The following ZCCHC14 variants were observed in gnomAD, a reference collection of about 807,000 sequenced individuals.
ZCCHC14 encodes zinc finger CCHC domain-containing protein 14.
Under a neutral mutation model 85.0 loss-of-function variants are expected in ZCCHC14, and 16 were observed. The observed-to-expected ratio is 0.19, with a 90% CI of 0.13 to 0.29. The LOEUF (loss-of-function observed/expected upper bound fraction) is 0.29. ZCCHC14 is among the 10% of genes least tolerant of loss of function. The probability of loss-of-function intolerance (pLI) is 1.00; values close to 1 mark genes in which losing one functional copy is unlikely to be tolerated. For missense variants in ZCCHC14, 1,303 were observed against 1,443.5 expected (o/e 0.90, Z 1.58); for synonymous variants, 775 against 630.7 (o/e 1.23, Z -3.43).
At position 87,434,799 on chromosome 16, in the gene ZCCHC14, G is replaced by A. The variant is rs147449182; in HGVS notation, c.695-1598C>T. Among the ~76,000 whole-genome samples the A allele has an allele frequency of 4.1e-3, 624 of 152,228 alleles. 5 individuals carry two copies. Among genetic ancestry groups the A allele is most frequent in the African/African-American group, 0.015 (603 of 41,534 alleles). The stretch of plus-strand genomic sequence containing the variant: ...AAGGTCAGGAGTTCGAGAGCAGCCT[G>A]GCCAACATGGTGAATCCCTGTCTCT... On this transcript the variant is annotated intron_variant, in intron 2 of 12. Transcript: ENST00000671377.
At chr16:87,476,388 A>C (rs1483358996) in intron 1 of ZCCHC14, among the ~76,000 whole-genome samples, 1 of 152,182 alleles carries the variant, frequency 6.6e-6, no homozygotes, top group Non-Finnish European at 1.5e-5. Flanking sequence ...TTAAAGGTAC[A>C]TTCATACTGA....
intron 1 of ZCCHC14, among the ~76,000 whole-genome samples, chr16:87,489,289 C>T (rs1912646216): frequency 6.6e-6 from 1 of 152,116 alleles, no homozygotes; most frequent in Non-Finnish European, 1.5e-5. Flanking sequence ...TTATAATAAT[C>T]CTCTCATTAA....
chr16:87,481,960 G>A (rs1469192269), intron 1 of ZCCHC14, among the ~76,000 whole-genome samples: 2 of 152,206 alleles, frequency 1.3e-5, no homozygotes, highest in Admixed American at 6.5e-5. Flanking sequence ...GGCAGAAGGG[G>A]AAAGGGCGAG....
rs966769028 is a variant in ZCCHC14 at position 87,407,792 on chromosome 16, T to G, written c.*2488A>C. The stretch of plus-strand genomic sequence containing the variant: ...AGGAAGTCTGATGACCGCAAAACGC[T>G]CTTCAGACGCGCCGACCTTGGTGGC... On this transcript the variant is annotated 3_prime_UTR_variant, in exon 13 of 13. Transcript: ENST00000671377. 2 of 152,618 alleles carry G rather than the reference T, an allele frequency of 1.3e-5. No homozygotes were observed. The highest frequency in any genetic ancestry group is 6.5e-5 in the Admixed American group (1 of 15,298). 9.5% of individuals were successfully genotyped at this position (152,618 alleles called of 1,614,324 possible).
intron 6 of ZCCHC14, 80 bp from the exon 7 acceptor site, chr16:87,418,981 T>G: frequency 7.5e-7 from 1 of 1,324,628 alleles, no homozygotes. Flanking sequence ...TTTGAGACGG[T>G]GTTTTGCTCT....
intron 2 of ZCCHC14, among the ~76,000 whole-genome samples, chr16:87,440,589 C>T (rs2150743746): frequency 6.6e-6 from 1 of 152,284 alleles, no homozygotes; most frequent in East Asian, 1.9e-4. Context: ...TATGCATAAA[C>T]TGATTCCTCA....
chr16:87,444,495 T>C (rs952238117), intron 2 of ZCCHC14, among the ~76,000 whole-genome samples: 15 of 152,136 alleles, frequency 9.9e-5, no homozygotes, highest in African/African-American at 3.6e-4. Context: ...TTTATCTAGT[T>C]AGAAAGTAAT....
At chr16:87,466,884 G>A (rs1388810040) in intron 1 of ZCCHC14, among the ~76,000 whole-genome samples, 1 of 152,050 alleles carries the variant, frequency 6.6e-6, no homozygotes, top group African/African-American at 2.4e-5. Flanking sequence ...ACATCTAACC[G>A]TGCCCACCAG....
In ZCCHC14 at chr16:87,432,541, A is replaced by G. The variant is rs543611562; in HGVS notation, c.768+587T>C. 2.6e-3 allele frequency among the ~76,000 whole-genome samples: 401 copies of G among 152,228 alleles called. 2 individuals are homozygous for G. The highest frequency in any genetic ancestry group is 8.5e-3 in the African/African-American group (355 of 41,552). Reference sequence around the variant, plus strand: ...TAGCCAGAGGGGGCCTGTACCCCTAAGGGCACCCTCAGGTTCTGATGGGGT... The same window carrying G: ...TAGCCAGAGGGGGCCTGTACCCCTAGGGGCACCCTCAGGTTCTGATGGGGT... On this transcript the variant is annotated intron_variant, in intron 3 of 12. Transcript: ENST00000671377.
At chr16:87,426,300 G>C (rs1597408649) in intron 3 of ZCCHC14, among the ~76,000 whole-genome samples, 1 of 152,152 alleles carries the variant, frequency 6.6e-6, no homozygotes, top group Admixed American at 6.5e-5. Flanking sequence ...CCGTACTATG[G>C]GGACACGTGT....
At chr16:87,416,318 C>T (rs1015572119) in intron 8 of ZCCHC14, among the ~76,000 whole-genome samples, 3 of 152,332 alleles carry the variant, frequency 2.0e-5, no homozygotes, top group Non-Finnish European at 4.4e-5. Context: ...ATTGTGTAGG[C>T]TGGTGCTACG....
rs1253298053 is a variant in ZCCHC14, at chr16:87,407,179, G to A, written c.*3101C>T. ...ACTACTGTGCCCCAAGACAGAGTCT[G>A]TGGTATAAACTAACTGTGCTGACTT... On this transcript the variant is annotated 3_prime_UTR_variant, in exon 13 of 13. Coordinates refer to ENST00000671377, the MANE Select transcript of ZCCHC14 (RefSeq NM_015144.3). The A allele has an allele frequency of 6.6e-6, 1 of 152,244 alleles. No individual in the cohort carries two copies. Among genetic ancestry groups the A allele is most frequent in the Non-Finnish European group, 1.5e-5 (1 of 68,068 alleles). 9.4% of individuals were successfully genotyped at this position (152,244 alleles called of 1,614,324 possible).
chr16:87,414,631 A>G, intron 9 of ZCCHC14, 90 bp from the exon 10 acceptor site: 1 of 1,491,914 alleles, frequency 6.7e-7, no homozygotes, highest in Non-Finnish European at 9.0e-7. Flanking sequence ...TCCACACCAC[A>G]GGGCGGCTTT....
intron 1 of ZCCHC14, among the ~76,000 whole-genome samples, chr16:87,474,779 G>GAGC (rs1911927098): frequency 6.6e-6 from 1 of 152,226 alleles, no homozygotes. Context: ...CTGGAAGGGA[G>GAGC]AGCACCCTGG....
chr16:87,455,021 G>A (rs1910884654), intron 2 of ZCCHC14, among the ~76,000 whole-genome samples: 1 of 152,228 alleles, frequency 6.6e-6, no homozygotes, highest in South Asian at 2.1e-4. Context: ...GAGCGCCGTG[G>A]CTCACATCTG....
intron 3 of ZCCHC14, among the ~76,000 whole-genome samples, chr16:87,429,539 T>A (rs1441137103): frequency 6.6e-6 from 1 of 152,176 alleles, no homozygotes; most frequent in African/African-American, 2.4e-5. Context: ...GCCAGCAACC[T>A]AGGCGGCCAG....
At chr16:87,435,779 G>A (rs1433724867) in intron 2 of ZCCHC14, among the ~76,000 whole-genome samples, 1 of 152,222 alleles carries the variant, frequency 6.6e-6, no homozygotes, top group Non-Finnish European at 1.5e-5. Context: ...GCACCTCACA[G>A]GAAGGAATTA....
In ZCCHC14 at chr16:87,478,297, A is replaced by T. The variant is rs139686666; in HGVS notation, c.570+13372T>A. Among the ~76,000 whole-genome samples the T allele has an allele frequency of 1.0e-3, 152 of 152,346 alleles. 1 individual carries two copies. Among genetic ancestry groups the T allele is most frequent in the African/African-American group, 3.6e-3 (150 of 41,586 alleles). ...CACGCAACGAAGGAAGCCAACAGAT[A>T]ATAAGCCAGCAAGAATTCCATGATT... On this transcript the variant is annotated intron_variant, in intron 1 of 12. Transcript: ENST00000671377.
At chr16:87,477,778 T>G (rs1473794649) in intron 1 of ZCCHC14, among the ~76,000 whole-genome samples, 1 of 151,424 alleles carries the variant, frequency 6.6e-6, no homozygotes, top group Non-Finnish European at 1.5e-5. Context: ...CGCATCCCCC[T>G]GAGCCTGCTG....
Sources: allele counts gnomAD v4.1 joint callset (sites outside exome capture counted in the v4.1 genomes callset), GRCh38; gene constraint gnomAD v4.1.1; transcripts MANE v1.5; gene names NCBI Gene and HGNC (gene_info 2026-07-23, HGNC 2026-07-21).